METTL16: variants seen among roughly 807,000 people sequenced by gnomAD.
METTL16 encodes the protein RNA N(6)-adenosine-methyltransferase METTL16.
METTL16 carries 19 observed loss-of-function variants against 57.9 expected under a neutral mutation model. The observed-to-expected ratio is 0.33, with a 90% confidence interval of 0.23 to 0.48. The LOEUF (loss-of-function observed/expected upper bound fraction) is 0.48, where lower values mean the gene tolerates loss of function less well. METTL16 is among the 20% of genes least tolerant of loss of function. The pLI is 0.99. For missense variants in METTL16, 434 were observed against 691.5 expected, an observed-to-expected ratio of 0.63 and a Z score of 4.18; for synonymous variants, 246 against 255.6, an observed-to-expected ratio of 0.96 and a Z score of 0.36.
chr17:2,464,039 CT>C (rs764923530), intron 6 of METTL16, among the ~76,000 whole-genome samples, 168 bp downstream of exon 6: 1 of 151,972 alleles, frequency 6.6e-6, no homozygotes, highest in Non-Finnish European at 1.5e-5. Context: ...ACAAGAAAAG[CT>C]TGAACCCAGG....
At chr17:2,452,855 T>G (rs2067081185) in intron 6 of METTL16, among the ~76,000 whole-genome samples, 1 of 152,084 alleles carries the variant, frequency 6.6e-6, no homozygotes, top group Admixed American at 6.6e-5. Context: ...TTGTTTTTGT[T>G]TTTGTTTTTT....
At chr17:2,466,796 T>G (rs901789919) in intron 5 of METTL16, among the ~76,000 whole-genome samples, 36 of 152,144 alleles carry the variant, frequency 2.4e-4, no homozygotes, top group Non-Finnish European at 2.8e-4. Context: ...GTTATTTTTT[T>G]TTGTTTTCTT....
At chr17:2,421,489 C>T (rs1351947996) in intron 8 of METTL16, among the ~76,000 whole-genome samples, 5 of 152,212 alleles carry the variant, frequency 3.3e-5, no homozygotes, top group Non-Finnish European at 4.4e-5. Context: ...TAGGACTGAA[C>T]GCCGAACCCA....
In METTL16 at chr17:2,479,806, G is replaced by C. The variant is rs745563699; in HGVS notation, c.129-1921C>G. 5.9e-5 allele frequency among the ~76,000 whole-genome samples: 9 copies of C among 152,238 alleles called. No homozygotes were observed. The East Asian group carries it at 1.7e-3, about 29-fold the overall frequency. ...AAATGTTCTAGTATGGAAGTTAGGA[G>C]ATCTGGACTCCACTTTTGGCTCTGC... is the stretch of plus-strand genomic sequence containing the variant. On this transcript the variant is annotated intron_variant, in intron 2 of 9. Transcript: ENST00000263092.
At position 2,416,914 on chromosome 17, in the gene METTL16, C is replaced by T. The variant is rs1416128904; in HGVS notation, c.*3056G>A. ...TTATAAAGCATATGCATGACCAAAA[C>T]AATGCTTAGATGTCCTTTAAAAATA... On this transcript the variant is annotated 3_prime_UTR_variant, in exon 10 of 10. Coordinates refer to ENST00000263092, the MANE Select transcript of METTL16 (RefSeq NM_024086.4). 1 of 152,304 alleles carries T rather than the reference C, an allele frequency of 6.6e-6. No individual in the cohort carries two copies. The highest frequency in any genetic ancestry group is 1.9e-4 in the East Asian group (1 of 5,198). The allele number at this position is 152,304 out of a possible 1,614,324, so 9.4% of individuals were successfully genotyped here.
At chr17:2,422,335 T>C (rs1383222442) in intron 8 of METTL16, among the ~76,000 whole-genome samples, 3 of 106,174 alleles carry the variant, frequency 2.8e-5, no homozygotes, top group African/African-American at 1.5e-4. Context: ...AACTCCGTTT[T>C]AGAAAAAAAA....
At chr17:2,429,402 G>C (rs536733759) in intron 8 of METTL16, among the ~76,000 whole-genome samples, 1 of 149,932 alleles carries the variant, frequency 6.7e-6, no homozygotes, top group East Asian at 2.0e-4. Context: ...TGGCCAGGCT[G>C]GTCTCGAACT....
At chr17:2,448,818 A>AAATAAAATAAAATAAAAT (rs2067045826) in intron 6 of METTL16, among the ~76,000 whole-genome samples, 1 of 137,868 alleles carries the variant, frequency 7.3e-6, no homozygotes, top group African/African-American at 3.0e-5. Flanking sequence ...AAAAAAAAAA[A>AAATAAAATAAAATAAAAT]AAAAAAAAGA....
intron 8 of METTL16, among the ~76,000 whole-genome samples, chr17:2,426,880 A>G (rs2066823828): frequency 6.6e-6 from 1 of 151,842 alleles, no homozygotes; most frequent in South Asian, 2.1e-4. Context: ...CATGCCTGCA[A>G]TCCCAGCACT....
At chr17:2,473,099 G>A (rs546200210) in intron 4 of METTL16, among the ~76,000 whole-genome samples, 1 of 152,116 alleles carries the variant, frequency 6.6e-6, no homozygotes, top group Non-Finnish European at 1.5e-5. Flanking sequence ...TGGGGGCAGG[G>A]ATATACAGGG....
intron 1 of METTL16, among the ~76,000 whole-genome samples, 200 bp downstream of exon 1, chr17:2,511,559 C>T (rs1275883981): frequency 6.6e-6 from 1 of 152,036 alleles, no homozygotes. Flanking sequence ...CAGTCCTAGT[C>T]TCTATTCTAT....
At chr17:2,470,433 C>T (rs905504667) in intron 4 of METTL16, among the ~76,000 whole-genome samples, 6 of 152,174 alleles carry the variant, frequency 3.9e-5, no homozygotes, top group Non-Finnish European at 8.8e-5. Flanking sequence ...AACATGCACA[C>T]TGGGGCAACT....
chr17:2,421,042 G>A (rs550206700), intron 8 of METTL16, 138 bp from the exon 9 acceptor site: 32 of 948,690 alleles, frequency 3.4e-5, no homozygotes, highest in Non-Finnish European at 5.1e-5. Flanking sequence ...AGGGTTTTGT[G>A]TGTGTTATGT....
intron 6 of METTL16, among the ~76,000 whole-genome samples, chr17:2,443,631 C>G (rs141829337): frequency 6.6e-6 from 1 of 151,800 alleles, no homozygotes; most frequent in South Asian, 2.1e-4. Flanking sequence ...GGACTACAGG[C>G]GCCCACCACG....
chr17:2,438,479 T>C (rs2066924093), intron 7 of METTL16, among the ~76,000 whole-genome samples: 1 of 152,116 alleles, frequency 6.6e-6, no homozygotes, highest in African/African-American at 2.4e-5. Flanking sequence ...GAGAATTATT[T>C]GTAATATGAC....
At chr17:2,424,972 T>C (rs533600003) in intron 8 of METTL16, among the ~76,000 whole-genome samples, 1 of 151,812 alleles carries the variant, frequency 6.6e-6, no homozygotes, top group African/African-American at 2.4e-5. Flanking sequence ...AGACAGATAA[T>C]TCATACTCCA....
chr17:2,469,202 C>T (rs928525400), intron 4 of METTL16, among the ~76,000 whole-genome samples: 6 of 151,960 alleles, frequency 3.9e-5, no homozygotes, highest in African/African-American at 9.7e-5. Flanking sequence ...TGTGCCATTG[C>T]ACTCCAGCCT....
At chr17:2,474,556 T>C (rs2067257085) in intron 3 of METTL16, among the ~76,000 whole-genome samples, 1 of 151,980 alleles carries the variant, frequency 6.6e-6, no homozygotes, top group Non-Finnish European at 1.5e-5. Context: ...AAAAAAACAC[T>C]CTTTGACCAC....
intron 3 of METTL16, among the ~76,000 whole-genome samples, chr17:2,475,486 CTCTT>C (rs577387348): frequency 2.0e-5 from 3 of 152,190 alleles, no homozygotes; most frequent in South Asian, 2.1e-4. Context: ...AACTGCCTCT[CTCTT>C]CAAACTTCAA....
Sources: gnomAD v4.1 joint callset for allele counts (sites outside exome capture counted in the v4.1 genomes callset) on GRCh38, gnomAD v4.1.1 for gene constraint, MANE v1.5 for transcripts, NCBI Gene and HGNC (gene_info 2026-07-23, HGNC 2026-07-21) for gene names.